Variants in SULT6B1 observed in about 807,000 individuals in gnomAD.
The protein encoded by SULT6B1 is sulfotransferase family 6B member 1, also known as sulfotransferase 6B1.
SULT6B1 carries 44 observed loss-of-function variants against 37.2 expected under a neutral mutation model. The observed-to-expected ratio is 1.18, with a 90% CI of 0.93 to 1.52. The LOEUF (loss-of-function observed/expected upper bound fraction) is 1.52. SULT6B1 is among the 40% of genes most tolerant of loss of function. SULT6B1 has a pLI of 0.00. For missense variants in SULT6B1, 450 were observed against 361.0 expected (o/e 1.25, Z -2.00); for synonymous variants, 140 against 126.0 (o/e 1.11, Z -0.74).
At chr2:37,177,028 G>C (rs538262847) in intron 4 of SULT6B1, among the ~76,000 whole-genome samples, 12 of 152,230 alleles carry the variant, frequency 7.9e-5, no homozygotes, top group Admixed American at 3.9e-4. Context: ...GTGCAGGCCA[G>C]AGATCCCAGG....
At position 37,188,333 on chromosome 2, in the gene SULT6B1, C is replaced by T. The variant is rs1254902047; in HGVS notation, c.199+109G>A. 4.5e-6 allele frequency: 4 copies of T among 879,944 alleles called. No homozygotes were observed. The Admixed American group carries it at 9.2e-5, about 20-fold the overall frequency. 54.5% of individuals were successfully genotyped at this position (879,944 alleles called of 1,614,324 possible). On this transcript the variant is annotated intron_variant, in intron 1 of 6. Coordinates refer to ENST00000535679, the MANE Select transcript of SULT6B1 (RefSeq NM_001367551.1). ...TGTGGCCCTCCTCCTCACTGATGCT[C>T]AGACAGATTCCTGCAATGAGGAACC...
At chr2:37,179,407 T>G in intron 4 of SULT6B1, 51 bp downstream of exon 4, 1 of 1,605,482 alleles carries the variant, frequency 6.2e-7, no homozygotes, top group Non-Finnish European at 8.5e-7. Flanking sequence ...GTTTTCACAT[T>G]TATGTGGTCA....
rs1676392241 is a variant in SULT6B1, at chr2:37,175,232, AAC to A, written c.530-8_530-7del. ...AAAATACCTTCCCCAAGAAACTAAA[AAC>A]ACAGGGGGGAAGACTTTAAGAAATG... On this transcript the variant is annotated splice_polypyrimidine_tract_variant and splice_region_variant and intron_variant, in intron 4 of 6. Coordinates refer to ENST00000535679, the MANE Select transcript of SULT6B1 (RefSeq NM_001367551.1). The A allele has an allele frequency of 2.6e-6, 4 of 1,530,054 alleles. No homozygotes were observed. Among genetic ancestry groups the A allele is most frequent in the Non-Finnish European group, 3.6e-6 (4 of 1,122,190 alleles). The allele number at this position is 1,530,054 out of a possible 1,614,324, so 94.8% of individuals were successfully genotyped here. A position where few individuals can be genotyped will look rare whatever the true frequency, so the allele number is the denominator to read the frequency against.
chr2:37,184,490 C>T (rs1199446197), intron 2 of SULT6B1, among the ~76,000 whole-genome samples: 1 of 152,136 alleles, frequency 6.6e-6, no homozygotes, highest in Middle Eastern at 3.2e-3. Flanking sequence ...ATATGTTATG[C>T]AGGGAAGTAA....
intron 5 of SULT6B1, among the ~76,000 whole-genome samples, chr2:37,172,823 C>CTTTGT (rs1676334948): frequency 1.3e-5 from 2 of 149,210 alleles, no homozygotes; most frequent in African/African-American, 2.5e-5. Flanking sequence ...CATACATTTG[C>CTTTGT]TTGTTTGTTT....
At chr2:37,171,706 C>G (rs1338597112) in intron 5 of SULT6B1, 116 bp from the exon 6 acceptor site, 2 of 881,578 alleles carry the variant, frequency 2.3e-6, no homozygotes, top group Admixed American at 2.9e-5. Context: ...CATCTCATCC[C>G]CCACTTTAAA....
At chr2:37,190,119 AT>A (rs1396355612), upstream of SULT6B1, among the ~76,000 whole-genome samples, 3 of 152,240 alleles carry the variant, frequency 2.0e-5, no homozygotes, top group African/African-American at 7.2e-5. Flanking sequence ...AACAATTACA[AT>A]TGCAATTACT....
upstream of SULT6B1, chr2:37,188,702 G>C: frequency 1.6e-6 from 1 of 634,676 alleles, no homozygotes; most frequent in Non-Finnish European, 2.8e-6. Context: ...GCTTTTAATG[G>C]AGTTGGGCAG....
chr2:37,175,289 A>T, intron 4 of SULT6B1, 63 bp from the exon 5 acceptor site: 1 of 883,180 alleles, frequency 1.1e-6, no homozygotes, highest in Non-Finnish European at 1.7e-6. Context: ...ATGATCATTA[A>T]TTTATGCTAT....
chr2:37,170,742 A>G (rs1242825388), intron 6 of SULT6B1, among the ~76,000 whole-genome samples: 2 of 148,252 alleles, frequency 1.3e-5, no homozygotes, highest in Admixed American at 6.7e-5. Flanking sequence ...TGTCTCAAAA[A>G]AAAAAAAAAA....
intron 6 of SULT6B1, 36 bp from the exon 7 acceptor site, chr2:37,168,101 G>T (rs1452400441): frequency 2.6e-6 from 4 of 1,529,304 alleles, no homozygotes; most frequent in Non-Finnish European, 3.5e-6. Flanking sequence ...CCAGATATCT[G>T]TTAGAATATT....
At chr2:37,185,738 C>G (rs866666134) in intron 2 of SULT6B1, among the ~76,000 whole-genome samples, 1 of 109,026 alleles carries the variant, frequency 9.2e-6, no homozygotes, top group Non-Finnish European at 2.0e-5. Context: ...AAAAAAAAAA[C>G]AGAGAGAGAG....
upstream of SULT6B1, among the ~76,000 whole-genome samples, chr2:37,190,374 A>G (rs1302771906): frequency 6.6e-6 from 1 of 152,158 alleles, no homozygotes; most frequent in African/African-American, 2.4e-5. Flanking sequence ...GATGACTTCT[A>G]GTTATTCTTA....
chr2:37,192,719 T>G (rs985912204), upstream of SULT6B1, among the ~76,000 whole-genome samples: 5 of 152,208 alleles, frequency 3.3e-5, no homozygotes, highest in African/African-American at 1.2e-4. Flanking sequence ...CAAACATAGT[T>G]GTTGTTTGCT....
chr2:37,173,041 C>T (rs1221010905), intron 5 of SULT6B1, among the ~76,000 whole-genome samples: 3 of 151,504 alleles, frequency 2.0e-5, no homozygotes, highest in African/African-American at 7.3e-5. Context: ...TTAGTAGAGA[C>T]GGGGTTTCAC....
chr2:37,188,495 T>C lies in SULT6B1; in HGVS notation c.146A>G (p.Asp49Gly). Residue 49 changes from aspartate (D) to glycine (G), a missense_variant, in exon 1 of 7, where the codon GAC (aspartate) becomes GGC (glycine). By Grantham distance (94) the Asp-to-Gly change is moderately conservative. Coordinates refer to ENST00000535679, the MANE Select transcript of SULT6B1 (RefSeq NM_001367551.1). ...GTCATCATGTCTGGCTTCGAAGGTG[T>C]CCAGCGCTTGGAAAGTTTCTGAGGT... ...MCTSETFQAL[D>G]TFEARHDDIV... 2 of 1,614,212 alleles carry C rather than the reference T, an allele frequency of 1.2e-6. No individual in the cohort carries two copies. The highest frequency in any genetic ancestry group is 1.7e-6 in the Non-Finnish European group (2 of 1,180,020).
intron 3 of SULT6B1, 121 bp from the exon 4 acceptor site, chr2:37,179,705 A>T: frequency 2.3e-6 from 2 of 864,694 alleles, no homozygotes; most frequent in Non-Finnish European, 1.7e-6. Flanking sequence ...ATATATAGAG[A>T]AAGAATGACA....
intron 4 of SULT6B1, among the ~76,000 whole-genome samples, chr2:37,175,702 T>C (rs567743181): frequency 6.6e-6 from 1 of 152,300 alleles, no homozygotes; most frequent in Middle Eastern, 3.4e-3. Context: ...CTTAACCCAG[T>C]TTATCAAAAA....
chr2:37,170,196 T>C (rs1676263064), intron 6 of SULT6B1, among the ~76,000 whole-genome samples: 2 of 152,206 alleles, frequency 1.3e-5, no homozygotes, highest in African/African-American at 4.8e-5. Context: ...CCAGGTGTGG[T>C]GGCTCACGCC....
Sources: allele counts gnomAD v4.1 joint callset (sites outside exome capture counted in the v4.1 genomes callset), GRCh38; gene constraint gnomAD v4.1.1; transcripts MANE v1.5; gene names NCBI Gene and HGNC (gene_info 2026-07-23, HGNC 2026-07-21).